The following INTS9 variants were observed in gnomAD, a reference collection of about 807,000 sequenced individuals.
INTS9 encodes integrator complex subunit 9.
INTS9 carries 55 observed loss-of-function variants against 79.7 expected under a neutral mutation model. The ratio of observed to expected loss-of-function variants is 0.69; its 90% confidence interval spans 0.56 to 0.86. The LOEUF (loss-of-function observed/expected upper bound fraction) is 0.86, where lower values mean the gene tolerates loss of function less well. Ranked by LOEUF, INTS9 falls within the 40% of genes least tolerant of loss-of-function variation. INTS9 has a pLI of 0.00. For missense variants in INTS9, 721 were observed against 831.5 expected (o/e 0.87, Z 1.64); for synonymous variants, 319 against 325.2 (o/e 0.98, Z 0.20).
intron 10 of INTS9, among the ~76,000 whole-genome samples, chr8:28,793,378 A>C (rs772723315): frequency 3.3e-5 from 5 of 152,236 alleles, no homozygotes; most frequent in Admixed American, 6.5e-5. Context: ...TGATGTAATA[A>C]AATTTTGTCA....
intron 8 of INTS9, among the ~76,000 whole-genome samples, chr8:28,808,072 T>C (rs1246403344): frequency 6.6e-6 from 1 of 152,248 alleles, no homozygotes; most frequent in Non-Finnish European, 1.5e-5. Flanking sequence ...GTTGCACTCT[T>C]TGGCCTCAAT....
chr8:28,873,108 AT>A (rs1809185050), intron 1 of INTS9, among the ~76,000 whole-genome samples: 1 of 152,174 alleles, frequency 6.6e-6, no homozygotes, highest in South Asian at 2.1e-4. Context: ...TGTTAAAAAA[AT>A]AGAAGCTTTC....
intron 3 of INTS9, chr8:28,849,996 A>G (rs914450983): frequency 7.4e-6 from 3 of 406,878 alleles, no homozygotes; most frequent in African/African-American, 2.0e-5. Flanking sequence ...TCTACACATG[A>G]GCAAAATGGA....
At position 28,805,714 on chromosome 8, in the gene INTS9, ATAAG is replaced by A. The variant is rs139039855; in HGVS notation, c.744+6609_744+6612del. Among the ~76,000 whole-genome samples, 451 of 152,290 alleles carry A rather than the reference ATAAG, an allele frequency of 3.0e-3. 1 individual carries two copies. The highest frequency in any genetic ancestry group is 0.01 in the African/African-American group (434 of 41,546). ...TTTGGGAGGAAAGATACAGATACTG[ATAAG>A]TAAGATAGTCACAGAAAAAATAAAC... On this transcript the variant is annotated intron_variant, in intron 8 of 16. Coordinates refer to ENST00000521022, the MANE Select transcript of INTS9 (RefSeq NM_018250.4).
At chr8:28,854,703 C>A (rs1488015048) in intron 2 of INTS9, among the ~76,000 whole-genome samples, 1 of 152,134 alleles carries the variant, frequency 6.6e-6, no homozygotes, top group Non-Finnish European at 1.5e-5. Context: ...GCAGGCAAGG[C>A]ACACAAATCC....
intron 16 of INTS9, among the ~76,000 whole-genome samples, chr8:28,769,098 C>T (rs1712354353): frequency 1.3e-5 from 2 of 152,170 alleles, no homozygotes; most frequent in African/African-American, 4.8e-5. Context: ...AACCACCCAG[C>T]CAGAGCCTTT....
intron 4 of INTS9, among the ~76,000 whole-genome samples, chr8:28,838,271 T>C (rs1806933667): frequency 6.6e-6 from 1 of 151,944 alleles, no homozygotes; most frequent in Non-Finnish European, 1.5e-5. Context: ...GAGGTAACTT[T>C]TGTTAGTTTA....
chr8:28,889,809 G>GA (rs1475375180), intron 1 of INTS9, 65 bp downstream of exon 1: 10 of 1,594,362 alleles, frequency 6.3e-6, no homozygotes, highest in East Asian at 4.5e-5. Flanking sequence ...CCCAACGTAG[G>GA]AAAAAAAGAG....
intron 9 of INTS9, among the ~76,000 whole-genome samples, chr8:28,796,237 C>G (rs241171): frequency 0.78 from 118,865 of 152,198 alleles, 46,592 homozygotes; most frequent in Non-Finnish European, 0.8. Flanking sequence ...TTGAACCCAG[C>G]AGACAGAGGT....
In INTS9 at chr8:28,867,419, C is replaced by CA. The variant is rs199758511; in HGVS notation, c.10-7857dup. Reference sequence around the variant, plus strand: ...AGGTGACAGAGTAAGACTCCGTCTACAAAAAAAAATTAGCCAGGTGTGGTG... The same window carrying CA: ...AGGTGACAGAGTAAGACTCCGTCTACAAAAAAAAAATTAGCCAGGTGTGGTG... On this transcript the variant is annotated intron_variant, in intron 1 of 16. Transcript: ENST00000521022. 5.4e-3 allele frequency among the ~76,000 whole-genome samples: 788 copies of CA among 144,594 alleles called. 11 individuals carry two copies. The highest frequency in any genetic ancestry group is 0.018 in the African/African-American group (703 of 39,314). 94.9% of individuals were successfully genotyped at this position (144,594 alleles called of 152,430 possible). A position where few individuals can be genotyped will look rare whatever the true frequency, so the allele number is the denominator to read the frequency against.
rs575723242 is a variant in INTS9, at chr8:28,835,797, G to C, written c.402-419C>G. Among the ~76,000 whole-genome samples, 35 of 151,886 alleles carry C rather than the reference G, an allele frequency of 2.3e-4. No individual in the cohort carries two copies. In the East Asian group the frequency reaches 6.2e-3, roughly 27 times the overall value. On this transcript the variant is annotated intron_variant, in intron 5 of 16. Coordinates refer to ENST00000521022, the MANE Select transcript of INTS9 (RefSeq NM_018250.4). ...TGGGCAGGACTGTTTTTTTTTAAAT[G>C]ACAATATTAAGTGAACTTTTTTTTT...
At chr8:28,857,462 A>T (rs1025475633) in intron 2 of INTS9, among the ~76,000 whole-genome samples, 1 of 152,140 alleles carries the variant, frequency 6.6e-6, no homozygotes, top group Non-Finnish European at 1.5e-5. Flanking sequence ...AAGACTGGAC[A>T]GGGTTTAGAA....
chr8:28,830,185 A>G (rs954430505), intron 6 of INTS9, among the ~76,000 whole-genome samples: 3 of 152,240 alleles, frequency 2.0e-5, no homozygotes, highest in African/African-American at 4.8e-5. Flanking sequence ...GACATTAGAT[A>G]TTAACTAGCT....
intron 9 of INTS9, among the ~76,000 whole-genome samples, chr8:28,794,263 A>G (rs1252265768): frequency 2.0e-5 from 3 of 152,206 alleles, no homozygotes; most frequent in Non-Finnish European, 4.4e-5. Context: ...GCTTCAGGAC[A>G]GAGCCTCCAA....
chr8:28,807,163 A>C (rs1419679748), intron 8 of INTS9, among the ~76,000 whole-genome samples: 1 of 152,198 alleles, frequency 6.6e-6, no homozygotes, highest in Non-Finnish European at 1.5e-5. Context: ...GAGGATTATA[A>C]ATAGCTCTAT....
At chr8:28,800,700 T>C (rs887013376) in intron 8 of INTS9, among the ~76,000 whole-genome samples, 5 of 152,206 alleles carry the variant, frequency 3.3e-5, no homozygotes, top group Admixed American at 6.5e-5. Context: ...GTTCTGCATG[T>C]ACACATCTTC....
rs575606390 is a variant in INTS9, at chr8:28,797,724, G to A, written c.745-1069C>T. 1.6e-4 allele frequency among the ~76,000 whole-genome samples: 25 copies of A among 152,278 alleles called. No homozygotes were observed. The South Asian group carries it at 5.2e-3, about 32-fold the overall frequency. On this transcript the variant is annotated intron_variant, in intron 8 of 16. Coordinates refer to ENST00000521022, the MANE Select transcript of INTS9 (RefSeq NM_018250.4). ...GAGAGCTCACAGGAGAGTTCATAAA[G>A]GTTTCCATCTGAAACACATCCTTTC... is the stretch of plus-strand genomic sequence containing the variant.
chr8:28,775,909 A>G lies in INTS9; in HGVS notation c.1413T>C (p.Cys471=). 6.3e-7 allele frequency: 1 copy of G among 1,578,638 alleles called. No individual in the cohort carries two copies. The highest frequency in any genetic ancestry group is 8.6e-7 in the Non-Finnish European group (1 of 1,162,354). ...GGGGCGGCTGAGTGTACTGCTCAGG[A>G]CACACCACGTGCAGGGGCTGAGGAA... is the stretch of plus-strand genomic sequence containing the variant. ...LKEVQPLHVV[C]PEQYTQPPPA... is the part of the protein sequence containing the mutation. The change falls in exon 14 of 17, where the codon TGT becomes TGC. Residue 471 remains cysteine, a synonymous_variant. Transcript: ENST00000521022.
rs770846836 is a variant in INTS9 at position 28,780,854 on chromosome 8, TC to T, written c.1238del (p.Gly413GlufsTer29). ...GDVVHFMELW[G>X]KSSLNTVIFT... ...ATATGACGGTATTGAGACTAGATTT[TC>T]CCCAGAGCTCCATGAAGTGGACCAC... On this transcript the variant is annotated frameshift_variant, in exon 12 of 17. Coordinates refer to ENST00000521022, the MANE Select transcript of INTS9 (RefSeq NM_018250.4). LOFTEE classifies it high-confidence loss of function. The T allele has an allele frequency of 1.2e-6, 2 of 1,614,210 alleles. No homozygotes were observed. The highest frequency in any genetic ancestry group is 1.7e-6 in the Non-Finnish European group (2 of 1,180,030).
Sources: allele counts gnomAD v4.1 joint callset (sites outside exome capture counted in the v4.1 genomes callset), GRCh38; gene constraint gnomAD v4.1.1; transcripts MANE v1.5; gene names NCBI Gene and HGNC (gene_info 2026-07-23, HGNC 2026-07-21).